MPRIP: variants seen among roughly 807,000 people sequenced by gnomAD.
MPRIP encodes myosin phosphatase Rho interacting protein.
Under a neutral mutation model 234.9 loss-of-function variants are expected in MPRIP, and 59 were observed. The observed-to-expected ratio is 0.25, with a 90% CI of 0.20 to 0.31. The LOEUF (loss-of-function observed/expected upper bound fraction) is 0.31, where lower values mean the gene tolerates loss of function less well. Among genes scored for constraint, MPRIP ranks in the 10% least tolerant of loss-of-function variants. The pLI, the probability that MPRIP is intolerant of heterozygous loss-of-function variation, is 1.00. For missense variants in MPRIP, 2,436 were observed against 3,071.0 expected, an observed-to-expected ratio of 0.79 and a Z score of 4.89; for synonymous variants, 1,144 against 1,263.9, an observed-to-expected ratio of 0.91 and a Z score of 2.01.
intron 1 of MPRIP, among the ~76,000 whole-genome samples, chr17:17,056,706 C>T (rs548805523): frequency 1.3e-5 from 2 of 152,214 alleles, no homozygotes; most frequent in East Asian, 3.9e-4. Flanking sequence ...TATTGTACAA[C>T]TGCCACCCCT....
chr17:17,066,638 C>A (rs1453379830), intron 1 of MPRIP, among the ~76,000 whole-genome samples: 1 of 147,886 alleles, frequency 6.8e-6, no homozygotes, highest in Non-Finnish European at 1.5e-5. Context: ...TAGTACTGAA[C>A]CTGATTGCTT....
chr17:17,162,766 TGAAAG>T (rs2045901003), intron 15 of MPRIP, among the ~76,000 whole-genome samples: 1 of 152,260 alleles, frequency 6.6e-6, no homozygotes, highest in Non-Finnish European at 1.5e-5. Context: ...GACATTATGC[TGAAAG>T]GAAATGCTCA....
At chr17:17,072,392 G>A (rs2089217618) in intron 1 of MPRIP, among the ~76,000 whole-genome samples, 1 of 152,212 alleles carries the variant, frequency 6.6e-6, no homozygotes, top group African/African-American at 2.4e-5. Context: ...TCAGGATCAA[G>A]GACACAGCCA....
chr17:17,077,942 A>G, intron 2 of MPRIP, 69 bp from the exon 3 acceptor site: 1 of 1,498,100 alleles, frequency 6.7e-7, no homozygotes, highest in East Asian at 2.3e-5. Context: ...AGACGTGGGA[A>G]CTCCAGAAGC....
At chr17:17,071,661 A>C (rs2089198156) in intron 1 of MPRIP, among the ~76,000 whole-genome samples, 1 of 152,178 alleles carries the variant, frequency 6.6e-6, no homozygotes, top group Non-Finnish European at 1.5e-5. Flanking sequence ...GCCAGCCAGA[A>C]GTGGAGCCTC....
At chr17:17,115,989 A>G (rs1425534649) in intron 3 of MPRIP, among the ~76,000 whole-genome samples, 7 of 152,166 alleles carry the variant, frequency 4.6e-5, no homozygotes, top group Non-Finnish European at 1.0e-4. Context: ...TGAATATGGG[A>G]TTTTGGTTAA....
At chr17:17,168,171 T>C in intron 16 of MPRIP, 1 of 332,252 alleles carries the variant, frequency 3.0e-6, no homozygotes, top group South Asian at 2.4e-5. Context: ...GAGCACGTAG[T>C]CTTCCCAGCA....
rs776299638 is a variant in MPRIP at position 17,042,853 on chromosome 17, C to T, written c.5C>T (p.Ser2Leu). 21 of 1,561,782 alleles carry T rather than the reference C, an allele frequency of 1.3e-5. No individual in the cohort carries two copies. Among genetic ancestry groups the T allele is most frequent in the African/African-American group, 2.8e-5 (2 of 72,404 alleles). Residue 2 changes from serine to leucine, a missense_variant, in exon 1 of 24, where the codon TCG (serine) becomes TTG (leucine). Physicochemically the swap from Ser to Leu is moderately radical, Grantham distance 145. Around this residue, in one of 4 missense-constraint regions of MPRIP, gnomAD observed 140 missense variants for 207.3 expected, o/e 0.68. Coordinates refer to ENST00000651222, the MANE Select transcript of MPRIP (RefSeq NM_001364716.4). ...GCCGTCGCCGCCGCGCCGACCATGT[C>T]GGCAGCCAAGGAGAACCCGTGCAGG... Reference protein sequence around the residue: MSAAKENPCRKF... With the variant: MLAAKENPCRKF...
At position 17,128,741 on chromosome 17, in the gene MPRIP, A is replaced by G. The variant is rs564861721; in HGVS notation, c.419+1888A>G. Among the ~76,000 whole-genome samples, 384 of 152,222 alleles carry G rather than the reference A, an allele frequency of 2.5e-3. 2 individuals carry two copies. The highest frequency in any genetic ancestry group is 3.8e-3 in the Non-Finnish European group (256 of 67,988). ...CGTGATCCGCCCTCACCTTCCCACA[A>G]GCTGGGATGCTCAGCTGCGTGAGGG... On this transcript the variant is annotated intron_variant, in intron 4 of 23. Transcript: ENST00000651222.
chr17:17,092,665 C>G (rs2089746224), intron 3 of MPRIP, among the ~76,000 whole-genome samples: 1 of 152,162 alleles, frequency 6.6e-6, no homozygotes, highest in Non-Finnish European at 1.5e-5. Context: ...GAAGTAAATG[C>G]AAGCCCTGTC....
chr17:17,057,052 G>A (rs2088721610), intron 1 of MPRIP, among the ~76,000 whole-genome samples: 1 of 152,238 alleles, frequency 6.6e-6, no homozygotes, highest in African/African-American at 2.4e-5. Flanking sequence ...GCATTTGTCT[G>A]AACACCTCCT....
At chr17:17,119,196 C>G (rs1236055602) in intron 3 of MPRIP, among the ~76,000 whole-genome samples, 19 of 152,226 alleles carry the variant, frequency 1.2e-4, no homozygotes, top group Non-Finnish European at 2.2e-4. Context: ...AAGGACCTCT[C>G]CTTAGACCTG....
intron 3 of MPRIP, among the ~76,000 whole-genome samples, chr17:17,100,553 A>G (rs190892838): frequency 6.6e-5 from 10 of 152,302 alleles, no homozygotes; most frequent in African/African-American, 2.2e-4. Flanking sequence ...CAGGCGAGCT[A>G]GCATTACTGC....
intron 7 of MPRIP, among the ~76,000 whole-genome samples, chr17:17,139,679 C>A (rs2090773755): frequency 1.3e-5 from 2 of 152,196 alleles, no homozygotes; most frequent in African/African-American, 4.8e-5. Context: ...CCACCATTGG[C>A]TGACAGCCCA....
At chr17:17,142,299 G>A (rs1365683373) in intron 7 of MPRIP, 1 of 254,176 alleles carries the variant, frequency 3.9e-6, no homozygotes, top group Non-Finnish European at 7.7e-6. Context: ...TTCCGTGGTG[G>A]TGGTTGCCTT....
intron 1 of MPRIP, among the ~76,000 whole-genome samples, chr17:17,061,207 A>G (rs1398301197): frequency 3.9e-5 from 6 of 152,224 alleles, no homozygotes; most frequent in Non-Finnish European, 1.5e-5. Context: ...GTGAGGCTTG[A>G]GACTGGACTT....
At chr17:17,080,281 G>A (rs1407792300) in intron 3 of MPRIP, among the ~76,000 whole-genome samples, 1 of 152,216 alleles carries the variant, frequency 6.6e-6, no homozygotes, top group East Asian at 1.9e-4. Flanking sequence ...GATTTCTCTA[G>A]CACCCAGTGC....
intron 1 of MPRIP, among the ~76,000 whole-genome samples, chr17:17,062,392 T>C (rs902005500): frequency 1.3e-5 from 2 of 152,254 alleles, no homozygotes; most frequent in African/African-American, 4.8e-5. Context: ...CCAAACCTGC[T>C]GCTGATCTTG....
At chr17:17,055,709 C>T (rs889875387) in intron 1 of MPRIP, among the ~76,000 whole-genome samples, 1 of 152,182 alleles carries the variant, frequency 6.6e-6, no homozygotes, top group Admixed American at 6.5e-5. Context: ...GCCTGGAAAC[C>T]CCGTGAGCCT....
Sources: gnomAD v4.1 joint callset for allele counts (sites outside exome capture counted in the v4.1 genomes callset) on GRCh38, gnomAD v4.1.1 for gene constraint, gnomAD v4.1.1 regional missense constraint, MANE v1.5 for transcripts, NCBI Gene and HGNC (gene_info 2026-07-23, HGNC 2026-07-21) for gene names.